Variants in MPP3 observed in about 807,000 individuals in gnomAD.
MPP3 encodes MAGUK p55 subfamily member 3.
In MPP3, 48 loss-of-function variants were observed where a neutral mutation model predicts 80.7. The ratio of observed to expected loss-of-function variants is 0.59; its 90% CI spans 0.47 to 0.76. The LOEUF (loss-of-function observed/expected upper bound fraction) is 0.76, where lower values mean the gene tolerates loss of function less well. Among genes scored for constraint, MPP3 ranks in the 30% least tolerant of loss-of-function variants. MPP3 has a pLI of 0.00. For missense variants in MPP3, 620 were observed against 763.0 expected, an observed-to-expected ratio of 0.81 and a Z score of 2.21; for synonymous variants, 311 against 297.6, an observed-to-expected ratio of 1.04 and a Z score of -0.46.
intron 8 of MPP3, 120 bp downstream of exon 8, chr17:43,827,631 G>A: frequency 1.1e-6 from 1 of 911,140 alleles, no homozygotes; most frequent in Non-Finnish European, 1.7e-6. Context: ...AGAAAGCAAA[G>A]CAAATCCCAA....
At chr17:43,809,272 G>C (rs954189782) in intron 18 of MPP3, among the ~76,000 whole-genome samples, 194 bp from the exon 19 acceptor site, 1 of 152,128 alleles carries the variant, frequency 6.6e-6, no homozygotes, top group Non-Finnish European at 1.5e-5. Flanking sequence ...CTTTGACGTT[G>C]AACTCAGCGG....
At chr17:43,810,694 C>T (rs1292542651) in intron 18 of MPP3, 113 bp downstream of exon 18, 2 of 702,504 alleles carry the variant, frequency 2.8e-6, no homozygotes, top group Non-Finnish European at 4.8e-6. Context: ...ATTGAACAGC[C>T]AGTGTTCTAG....
intron 16 of MPP3, chr17:43,811,580 T>C (rs530952248): frequency 1.0e-4 from 18 of 173,836 alleles, no homozygotes; most frequent in Admixed American, 3.6e-4. Context: ...TGCTGTGTTT[T>C]TTTTTTGTTT....
chr17:43,820,963 C>T lies in MPP3; in HGVS notation c.780G>A (p.Leu260=). 1 of 1,613,660 alleles carries T rather than the reference C, an allele frequency of 6.2e-7. No homozygotes were observed. The highest frequency in any genetic ancestry group is 1.1e-5 in the South Asian group (1 of 91,012). ...AGLPFQRRQV[L]EVVSQDDPTW... ...TGGGGTCGTCCTGGCTCACCACCTC[C>T]AGGACCTGCCTGCGCTGGAAGGGCA... is the stretch of plus-strand genomic sequence containing the variant. Residue 260 remains leucine, a synonymous_variant, in exon 11 of 20, where the codon CTG becomes CTA. Coordinates refer to ENST00000398389, the MANE Select transcript of MPP3 (RefSeq NM_001932.6).
intron 11 of MPP3, among the ~76,000 whole-genome samples, chr17:43,819,938 T>TTTTTG (rs1001475425): frequency 1.6e-4 from 24 of 152,028 alleles, no homozygotes; most frequent in African/African-American, 5.6e-4. Context: ...TTTTTCTGTT[T>TTTTTG]TTTTGTTTTG....
intron 13 of MPP3, 149 bp downstream of exon 13, chr17:43,816,528 C>T: frequency 1.3e-6 from 1 of 791,172 alleles, no homozygotes; most frequent in Non-Finnish European, 2.1e-6. Flanking sequence ...AAGGAACAGC[C>T]CAGTCCAGCT....
intron 8 of MPP3, 106 bp from the exon 9 acceptor site, chr17:43,825,947 C>T: frequency 2.8e-6 from 2 of 711,924 alleles, no homozygotes; most frequent in Non-Finnish European, 5.1e-6. Flanking sequence ...CACTGCAGGG[C>T]CAACTCGAGG....
chr17:43,801,568 T>C lies in MPP3; in HGVS notation c.*133A>G, dbSNP rs1388196143. ...AACAACAAACAAGACTTCCCACTTA[T>C]ACTCTTCTCGATGATGGAATTTGTG... On this transcript the variant is annotated 3_prime_UTR_variant, in exon 20 of 20. Coordinates refer to ENST00000398389, the MANE Select transcript of MPP3 (RefSeq NM_001932.6). The C allele has an allele frequency of 1.2e-5, 10 of 851,642 alleles. No individual in the cohort carries two copies. Among genetic ancestry groups the C allele is most frequent in the South Asian group, 1.7e-5 (1 of 58,350 alleles). The allele number at this position is 851,642 out of a possible 1,614,324, so 52.8% of individuals were successfully genotyped here.
rs1303005022 is a variant in MPP3, at chr17:43,832,812, G to A, written c.-89C>T. 1.3e-5 allele frequency: 2 copies of A among 152,410 alleles called. No homozygotes were observed. Among genetic ancestry groups the A allele is most frequent in the African/African-American group, 4.8e-5 (2 of 41,458 alleles). The allele number at this position is 152,410 out of a possible 1,614,324, so 9.4% of individuals were successfully genotyped here. A position where few individuals can be genotyped will look rare whatever the true frequency, so the allele number is the denominator to read the frequency against. ...GAGCACCGACTCCCGCTCGCTCTCC[G>A]AAGGAACCTGTGGGAGAACAAGGAG... On this transcript the variant is annotated 5_prime_UTR_variant, in exon 2 of 20. Transcript: ENST00000398389.
Position 43,831,683 on chromosome 17 carries a change from G to A in MPP3, c.26-6C>T, listed in dbSNP as rs200343143. ...GGCCAGGGTTTCATGCAAACCTGGGGAGAGGTGAGAAAAACAAAGGATAGC... is the reference window on the plus strand; with the variant it reads ...GGCCAGGGTTTCATGCAAACCTGGGAAGAGGTGAGAAAAACAAAGGATAGC... On this transcript the variant is annotated splice_region_variant and splice_polypyrimidine_tract_variant and intron_variant, in intron 3 of 19. Transcript: ENST00000398389. 2 of 1,600,298 alleles carry A rather than the reference G, an allele frequency of 1.2e-6. No homozygotes were observed. Among genetic ancestry groups the A allele is most frequent in the Non-Finnish European group, 1.7e-6 (2 of 1,171,578 alleles).
At position 43,801,867 on chromosome 17, in the gene MPP3, T is replaced by G; in HGVS notation, c.1592A>C (p.Gln531Pro). The change falls in exon 20 of 20, where the codon CAG (glutamine) becomes CCG (proline). Residue 531 changes from glutamine (Q) to proline (P), a missense_variant. Physicochemically the swap from Gln to Pro is moderately conservative, Grantham distance 76. Transcript: ENST00000398389. ...EDTAAPFDEQ[Q>P]QEMAASAAFI... Reference sequence around the variant, plus strand: ...GGCGGCAGAAGCGGCCATCTCTTGCTGCTGCTCATCCTGCAAGGAAAGGGG... The same window carrying G: ...GGCGGCAGAAGCGGCCATCTCTTGCGGCTGCTCATCCTGCAAGGAAAGGGG... The G allele has an allele frequency of 6.2e-7, 1 of 1,612,358 alleles. No homozygotes were observed. Among genetic ancestry groups the G allele is most frequent in the East Asian group, 2.2e-5 (1 of 44,864 alleles).
chr17:43,807,490 G>C (rs571239645), intron 19 of MPP3, among the ~76,000 whole-genome samples: 8 of 150,394 alleles, frequency 5.3e-5, no homozygotes, highest in African/African-American at 2.0e-4. Flanking sequence ...GCTAATTTTT[G>C]TAATTTTTTT....
At chr17:43,809,771 C>T (rs1221089220) in intron 18 of MPP3, among the ~76,000 whole-genome samples, 6 of 151,930 alleles carry the variant, frequency 3.9e-5, no homozygotes, top group African/African-American at 1.2e-4. Flanking sequence ...CCCAGCTACT[C>T]GGGAGGCTGA....
intron 19 of MPP3, among the ~76,000 whole-genome samples, chr17:43,806,403 T>C (rs1336820372): frequency 1.3e-5 from 2 of 152,118 alleles, no homozygotes; most frequent in Non-Finnish European, 2.9e-5. Flanking sequence ...TGACCTCTGA[T>C]GATCCACCCA....
At chr17:43,821,476 G>A (rs932569479) in intron 10 of MPP3, among the ~76,000 whole-genome samples, 1 of 152,216 alleles carries the variant, frequency 6.6e-6, no homozygotes, top group Non-Finnish European at 1.5e-5. Flanking sequence ...GCAGCCATCT[G>A]TTATATAAGT....
In MPP3 at chr17:43,816,047, G is replaced by T. The variant is rs1220703512; in HGVS notation, c.1000C>A (p.His334Asn). ...TCDCEGYLKG[H>N]YVAGLRRSFR... ...AGGGGGAGCTACTTACCCACATAGT[G>T]CCCTTTGAGGTAGCCCTCACAGTCA... The change falls in exon 14 of 20, where the codon CAC becomes AAC. Residue 334 changes from histidine to asparagine, a missense_variant. By Grantham distance (68) the His-to-Asn change is moderately conservative (BLOSUM62 1). Coordinates refer to ENST00000398389, the MANE Select transcript of MPP3 (RefSeq NM_001932.6). The T allele has an allele frequency of 1.3e-6, 2 of 1,504,040 alleles. No individual in the cohort carries two copies. The highest frequency in any genetic ancestry group is 1.8e-6 in the Non-Finnish European group (2 of 1,132,256). The allele number at this position is 1,504,040 out of a possible 1,614,324, so 93.2% of individuals were successfully genotyped here. A position where few individuals can be genotyped will look rare whatever the true frequency, so the allele number is the denominator to read the frequency against.
At chr17:43,823,905 G>A in intron 10 of MPP3, 26 bp downstream of exon 10, 1 of 1,568,722 alleles carries the variant, frequency 6.4e-7, no homozygotes, top group Non-Finnish European at 8.7e-7. Context: ...GCTGAGAGAG[G>A]GCACCGCGGA....
At chr17:43,821,258 T>G (rs969192618) in intron 10 of MPP3, among the ~76,000 whole-genome samples, 200 bp from the exon 11 acceptor site, 1 of 152,208 alleles carries the variant, frequency 6.6e-6, no homozygotes. Flanking sequence ...AGTCAGGAAG[T>G]CCATCAAGAA....
At chr17:43,828,932 A>G (rs1383148821) in intron 7 of MPP3, among the ~76,000 whole-genome samples, 1 of 152,194 alleles carries the variant, frequency 6.6e-6, no homozygotes, top group East Asian at 1.9e-4. Flanking sequence ...GGCAGAGGAG[A>G]GATCCTCGTC....
Sources: allele counts gnomAD v4.1 joint callset (sites outside exome capture counted in the v4.1 genomes callset), GRCh38; gene constraint gnomAD v4.1.1; transcripts MANE v1.5; gene names NCBI Gene and HGNC (gene_info 2026-07-23, HGNC 2026-07-21).